Variants in FRMD5 observed in about 807,000 individuals in gnomAD.
FRMD5 encodes FERM domain containing 5.
Under a neutral mutation model 69.0 loss-of-function variants are expected in FRMD5, and 20 were observed. The observed-to-expected ratio is 0.29, with a 90% CI of 0.20 to 0.42. The LOEUF (loss-of-function observed/expected upper bound fraction) is 0.42, where lower values mean the gene tolerates loss of function less well. FRMD5 is among the 10% of genes least tolerant of loss of function. FRMD5 has a pLI of 1.00. For missense variants in FRMD5, 595 were observed against 708.6 expected (o/e 0.84, Z 1.82); for synonymous variants, 271 against 260.1 (o/e 1.04, Z -0.40).
At chr15:44,010,049 A>T (rs1465899298) in intron 1 of FRMD5, among the ~76,000 whole-genome samples, 1 of 152,158 alleles carries the variant, frequency 6.6e-6, no homozygotes, top group Non-Finnish European at 1.5e-5. Context: ...TTATTATCCA[A>T]TTTCTGCATT....
At chr15:43,956,931 T>C (rs998702904) in intron 1 of FRMD5, among the ~76,000 whole-genome samples, 6 of 152,242 alleles carry the variant, frequency 3.9e-5, no homozygotes, top group Admixed American at 6.5e-5. Context: ...CTATCATCTA[T>C]GAAAATGAAG....
In FRMD5 at chr15:43,957,224, C is replaced by A. The variant is rs544530968; in HGVS notation, c.103-32915G>T. ...TTTTTTTTTCTTTTTGAGTTGGAGT[C>A]TGGCTCTGTCACCCAGGCTGGAGTA... On this transcript the variant is annotated intron_variant, in intron 1 of 13. Coordinates refer to ENST00000417257, the MANE Select transcript of FRMD5 (RefSeq NM_032892.5). 1.1e-4 allele frequency among the ~76,000 whole-genome samples: 16 copies of A among 152,056 alleles called. No individual in the cohort carries two copies. The East Asian group carries it at 2.9e-3, about 28-fold the overall frequency.
At chr15:43,924,154 A>G in intron 2 of FRMD5, 51 bp downstream of exon 2, 2 of 1,331,938 alleles carry the variant, frequency 1.5e-6, no homozygotes, top group South Asian at 1.2e-5. Context: ...TCAAGACCTC[A>G]GTCTTATTGA....
chr15:44,128,844 A>C (rs924906441), intron 1 of FRMD5, among the ~76,000 whole-genome samples: 1 of 152,070 alleles, frequency 6.6e-6, no homozygotes, highest in Non-Finnish European at 1.5e-5. Flanking sequence ...TAAAAAAAAG[A>C]AAAAGAAAAA....
intron 1 of FRMD5, among the ~76,000 whole-genome samples, chr15:44,041,859 C>T (rs919049828): frequency 3.3e-5 from 5 of 152,004 alleles, no homozygotes; most frequent in Admixed American, 3.3e-4. Flanking sequence ...CCTACCATCA[C>T]AATTAAAAGA....
At chr15:44,087,657 C>T (rs931939053) in intron 1 of FRMD5, among the ~76,000 whole-genome samples, 8 of 152,088 alleles carry the variant, frequency 5.3e-5, no homozygotes, top group African/African-American at 1.9e-4. Context: ...ATGAGATATA[C>T]ATACACATAT....
At chr15:44,039,177 G>T (rs971821235) in intron 1 of FRMD5, among the ~76,000 whole-genome samples, 1 of 152,250 alleles carries the variant, frequency 6.6e-6, no homozygotes, top group Non-Finnish European at 1.5e-5. Context: ...CTCAGTCAGG[G>T]ACTTACAGAT....
intron 1 of FRMD5, among the ~76,000 whole-genome samples, chr15:44,058,473 A>T (rs935851123): frequency 6.6e-6 from 1 of 152,208 alleles, no homozygotes; most frequent in Admixed American, 6.5e-5. Context: ...TGAATTATGT[A>T]CTTTAAATAG....
At chr15:43,906,603 T>C (rs184902420) in intron 5 of FRMD5, among the ~76,000 whole-genome samples, 1 of 151,984 alleles carries the variant, frequency 6.6e-6, no homozygotes. Context: ...AGTTCTTTTT[T>C]TTTGTTTGTT....
chr15:43,959,784 A>G (rs2090168002), intron 1 of FRMD5, among the ~76,000 whole-genome samples: 1 of 152,214 alleles, frequency 6.6e-6, no homozygotes, highest in Admixed American at 6.5e-5. Context: ...TTGCTTGTTA[A>G]AAGACTAGCA....
chr15:43,964,465 A>G (rs2090258554), intron 1 of FRMD5, among the ~76,000 whole-genome samples: 1 of 150,980 alleles, frequency 6.6e-6, no homozygotes, highest in African/African-American at 2.4e-5. Flanking sequence ...TGGGCAACAG[A>G]GTGAGACCCT....
At chr15:44,101,928 C>T (rs1244303652) in intron 1 of FRMD5, among the ~76,000 whole-genome samples, 1 of 152,210 alleles carries the variant, frequency 6.6e-6, no homozygotes, top group Non-Finnish European at 1.5e-5. Flanking sequence ...TAAACCGCTA[C>T]CAAAGTCTAG....
At position 44,195,138 on chromosome 15, in the gene FRMD5, ACCCCAGGCACCTGCACCATCACCCCGG is replaced by A. The variant is rs2140632125; in HGVS notation, c.-111_-85del. ...CCCTCAGCCCGGCAGCTCCGCACCGACCCCAGGCACCTGCACCATCACCCCGGCCCCGTCGCTGCCGTTGCCTCCTGC... is the reference window on the plus strand; with the variant it reads ...CCCTCAGCCCGGCAGCTCCGCACCGACCCCGTCGCTGCCGTTGCCTCCTGC... On this transcript the variant is annotated 5_prime_UTR_variant, in exon 1 of 14. An upstream start codon of the reference 5' UTR is lost. Transcript: ENST00000417257. 1 of 1,023,064 alleles carries A rather than the reference ACCCCAGGCACCTGCACCATCACCCCGG, an allele frequency of 9.8e-7. No homozygotes were observed. The highest frequency in any genetic ancestry group is 1.7e-5 in the African/African-American group (1 of 57,934). The allele number at this position is 1,023,064 out of a possible 1,614,324, so 63.4% of individuals were successfully genotyped here.
intron 1 of FRMD5, among the ~76,000 whole-genome samples, chr15:43,940,010 C>T (rs1159828760): frequency 1.3e-5 from 2 of 152,118 alleles, no homozygotes; most frequent in Non-Finnish European, 2.9e-5. Context: ...AACCCTGTGT[C>T]TACTAAAAAT....
At chr15:44,080,015 G>A (rs938192097) in intron 1 of FRMD5, among the ~76,000 whole-genome samples, 1 of 151,946 alleles carries the variant, frequency 6.6e-6, no homozygotes, top group African/African-American at 2.4e-5. Context: ...AAAAGTGCTG[G>A]GGATGAATGG....
intron 1 of FRMD5, among the ~76,000 whole-genome samples, chr15:44,113,023 T>C (rs915512349): frequency 6.6e-5 from 10 of 152,348 alleles, no homozygotes; most frequent in Non-Finnish European, 1.3e-4. Flanking sequence ...GGGGGTCTTA[T>C]AGGAATGGTT....
intron 1 of FRMD5, among the ~76,000 whole-genome samples, chr15:44,076,329 T>C (rs1053488494): frequency 2.6e-5 from 4 of 151,100 alleles, no homozygotes; most frequent in South Asian, 2.1e-4. Context: ...CACACGTATG[T>C]TTATTGTGGC....
intron 1 of FRMD5, among the ~76,000 whole-genome samples, chr15:43,960,790 A>G (rs979637480): frequency 6.6e-6 from 1 of 152,262 alleles, no homozygotes; most frequent in Non-Finnish European, 1.5e-5. Flanking sequence ...GCTCAGCAAT[A>G]ATGAGCAGTA....
At chr15:43,878,932 C>CTTT (rs71421808) in intron 13 of FRMD5, among the ~76,000 whole-genome samples, 13 of 112,898 alleles carry the variant, frequency 1.2e-4, no homozygotes, top group African/African-American at 1.8e-4. Context: ...TTTTTCTTTT[C>CTTT]TTTTTTTTTT....
Sources: allele counts gnomAD v4.1 joint callset (sites outside exome capture counted in the v4.1 genomes callset), GRCh38; gene constraint gnomAD v4.1.1; transcripts MANE v1.5; gene names NCBI Gene and HGNC (gene_info 2026-07-23, HGNC 2026-07-21).